The following MRPS18A variants were observed in gnomAD, a reference collection of about 807,000 sequenced individuals.
The protein encoded by MRPS18A is large ribosomal subunit protein mL66.
A neutral mutation model predicts 22.7 loss-of-function variants in MRPS18A; 20 were observed. That is an observed-to-expected ratio of 0.88 (90% CI 0.62 to 1.28). The LOEUF (loss-of-function observed/expected upper bound fraction) is 1.28, where lower values mean the gene tolerates loss of function less well. MRPS18A is among the 50% of genes most tolerant of loss of function. The pLI, the probability that MRPS18A is intolerant of heterozygous loss-of-function variation, is 0.00. For missense variants in MRPS18A, 294 were observed against 262.6 expected (o/e 1.12, Z -0.83); for synonymous variants, 106 against 99.1 (o/e 1.07, Z -0.41).
intron 2 of MRPS18A, among the ~76,000 whole-genome samples, chr6:43,678,953 A>T (rs1474929126): frequency 6.6e-6 from 1 of 152,194 alleles, no homozygotes; most frequent in Non-Finnish European, 1.5e-5. Flanking sequence ...AAACAAAGGC[A>T]CCAGAACACT....
Position 43,671,396 on chromosome 6 carries a change from CT to C in MRPS18A, c.*365del. On this transcript the variant is annotated 3_prime_UTR_variant, in exon 6 of 6. Transcript: ENST00000372133. ...CAGTGACTCAATGCTCAGCACCCAG[CT>C]GGCAATGTGCCCAGGACCCCCTGCA... 2 of 401,446 alleles carry C rather than the reference CT, an allele frequency of 5.0e-6. No homozygotes were observed. Among genetic ancestry groups the C allele is most frequent in the South Asian group, 5.4e-5 (2 of 36,806 alleles). The allele number at this position is 401,446 out of a possible 1,614,324, so 24.9% of individuals were successfully genotyped here.
At chr6:43,674,570 A>T (rs1340908597) in intron 5 of MRPS18A, among the ~76,000 whole-genome samples, 1 of 152,202 alleles carries the variant, frequency 6.6e-6, no homozygotes, top group Admixed American at 6.5e-5. Flanking sequence ...GCAATGGGAC[A>T]GCTGCTTGAA....
At position 43,671,777 on chromosome 6, in the gene MRPS18A, C is replaced by T; in HGVS notation, c.576G>A (p.Trp192Ter). 1 of 1,614,220 alleles carries T rather than the reference C, an allele frequency of 6.2e-7. No individual in the cohort carries two copies. The highest frequency in any genetic ancestry group is 8.5e-7 in the Non-Finnish European group (1 of 1,180,048). The change falls in exon 6 of 6, where the codon TGG becomes TGA. Residue 192 changes from tryptophan to a stop codon, truncating the protein, a stop_gained. Coordinates refer to ENST00000372133, the MANE Select transcript of MRPS18A (RefSeq NM_018135.4). LOFTEE classifies it high-confidence loss of function. ...RDNVCYSRTP[W>*]KLYH ...CTGCTCTCTGTCAGTGATACAGCTT[C>T]CAAGGTGTTCTTGAGTAGCAGACAT...
intron 3 of MRPS18A, among the ~76,000 whole-genome samples, chr6:43,676,680 G>C (rs937215853): frequency 2.0e-5 from 3 of 152,328 alleles, no homozygotes; most frequent in African/African-American, 7.2e-5. Flanking sequence ...CGCTGTCATA[G>C]AATGGCTTAA....
chr6:43,683,832 T>G (rs1410757782), intron 1 of MRPS18A, among the ~76,000 whole-genome samples: 1 of 152,192 alleles, frequency 6.6e-6, no homozygotes, highest in Non-Finnish European at 1.5e-5. Context: ...GTCTTTGCCC[T>G]AGAGGAGGAA....
At chr6:43,672,447 G>C in intron 5 of MRPS18A, 1 of 470,796 alleles carries the variant, frequency 2.1e-6, no homozygotes. Flanking sequence ...GAAGGTTCCT[G>C]TAAATAGGAG....
intron 5 of MRPS18A, chr6:43,672,205 C>T (rs1203203345): frequency 1.7e-5 from 8 of 480,590 alleles, no homozygotes; most frequent in East Asian, 8.4e-5. Context: ...GAAAAGGTGG[C>T]GAAGAGGCTG....
intron 2 of MRPS18A, 77 bp downstream of exon 2, chr6:43,681,012 C>T: frequency 1.4e-6 from 2 of 1,443,328 alleles, no homozygotes; most frequent in South Asian, 1.2e-5. Context: ...AGTTTGGGCC[C>T]CTCCCTCCCT....
chr6:43,675,361 G>C (rs1328808360), intron 4 of MRPS18A, 90 bp from the exon 5 acceptor site: 23 of 1,586,542 alleles, frequency 1.4e-5, no homozygotes, highest in Non-Finnish European at 2.0e-5. Context: ...CGGGAAGGTT[G>C]GCATTGGGTG....
intron 1 of MRPS18A, among the ~76,000 whole-genome samples, chr6:43,685,537 A>G (rs1294406156): frequency 1.3e-5 from 2 of 152,108 alleles, no homozygotes; most frequent in Non-Finnish European, 2.9e-5. Flanking sequence ...TTACTGGGGG[A>G]CAAAATTGCC....
intron 2 of MRPS18A, among the ~76,000 whole-genome samples, chr6:43,680,163 T>A (rs559876860): frequency 6.6e-6 from 1 of 152,282 alleles, no homozygotes; most frequent in South Asian, 2.1e-4. Flanking sequence ...TGTATTTCTC[T>A]CCTCCAGCAT....
At chr6:43,687,106 C>T (rs952969386) in intron 1 of MRPS18A, among the ~76,000 whole-genome samples, 2 of 152,206 alleles carry the variant, frequency 1.3e-5, no homozygotes, top group African/African-American at 4.8e-5. Context: ...GGCCGCTTTC[C>T]CAGATTAAGA....
At chr6:43,674,833 G>A (rs1432163139) in intron 5 of MRPS18A, among the ~76,000 whole-genome samples, 1 of 152,184 alleles carries the variant, frequency 6.6e-6, no homozygotes, top group South Asian at 2.1e-4. Context: ...CACTAACCCA[G>A]GAGGCCCTCC....
At chr6:43,685,094 T>C (rs1431713662) in intron 1 of MRPS18A, among the ~76,000 whole-genome samples, 1 of 152,152 alleles carries the variant, frequency 6.6e-6, no homozygotes, top group Non-Finnish European at 1.5e-5. Context: ...CTGGCTCTAC[T>C]TCCAACTCCA....
intron 1 of MRPS18A, 144 bp from the exon 2 acceptor site, chr6:43,681,264 T>G (rs1774396558): frequency 1.0e-5 from 9 of 891,210 alleles, no homozygotes; most frequent in Non-Finnish European, 1.4e-5. Context: ...ACAGAAAGCA[T>G]GCAGGGTTCA....
intron 3 of MRPS18A, among the ~76,000 whole-genome samples, chr6:43,678,203 A>G (rs562453133): frequency 2.6e-5 from 4 of 152,214 alleles, no homozygotes; most frequent in African/African-American, 9.6e-5. Flanking sequence ...CTGATTCCAC[A>G]CTGTGACCTC....
At chr6:43,676,914 C>G (rs1163721935) in intron 3 of MRPS18A, among the ~76,000 whole-genome samples, 3 of 152,216 alleles carry the variant, frequency 2.0e-5, no homozygotes, top group African/African-American at 7.2e-5. Context: ...TAATCCAGGG[C>G]TAATCAACTG....
chr6:43,678,511 G>A lies in MRPS18A; in HGVS notation c.252+7C>T. ...ACAGAACCGAGTGTCTCTGTACCCA[G>A]ACTCACGTCATAGTTATACTTGTGC... On this transcript the variant is annotated splice_region_variant and intron_variant, in intron 3 of 5. Transcript: ENST00000372133. 6.3e-7 allele frequency: 1 copy of A among 1,596,876 alleles called. No individual in the cohort carries two copies. The highest frequency in any genetic ancestry group is 8.6e-7 in the Non-Finnish European group (1 of 1,164,538).
At chr6:43,675,096 T>C in intron 5 of MRPS18A, 106 bp downstream of exon 5, 2 of 977,038 alleles carry the variant, frequency 2.0e-6, no homozygotes, top group South Asian at 2.0e-5. Flanking sequence ...GGTGGACTGA[T>C]GGGGGTGGAT....
Sources: gnomAD v4.1 joint callset for allele counts (sites outside exome capture counted in the v4.1 genomes callset) on GRCh38, gnomAD v4.1.1 for gene constraint, MANE v1.5 for transcripts, NCBI Gene and HGNC (gene_info 2026-07-23, HGNC 2026-07-21) for gene names.